Variants in SEMA4D observed in about 807,000 individuals in gnomAD.
SEMA4D encodes semaphorin-4D.
Under a neutral mutation model 74.8 loss-of-function variants are expected in SEMA4D, and 22 were observed. The ratio of observed to expected loss-of-function variants is 0.29; its 90% CI spans 0.21 to 0.42. The LOEUF (loss-of-function observed/expected upper bound fraction) is 0.42, where lower values mean the gene tolerates loss of function less well. Ranked by LOEUF, SEMA4D falls within the 10% of genes least tolerant of loss-of-function variation. The pLI is 1.00. For synonymous variants in SEMA4D, 445 were observed against 463.7 expected (o/e 0.96, Z 0.52); for missense variants, 937 against 1,118.4 (o/e 0.84, Z 2.31).
In SEMA4D at chr9:89,424,448, G is replaced by A. The variant is rs140851804; in HGVS notation, c.-243-18749C>T. On this transcript the variant is annotated intron_variant, in intron 2 of 15. Coordinates refer to ENST00000422704, the MANE Select transcript of SEMA4D (RefSeq NM_001371194.2). ...ATTGAAGTTTCTTTCTAAAGCCCAC[G>A]ACCACAACATTAGCTTTTACTACTT... 1.2e-4 allele frequency among the ~76,000 whole-genome samples: 18 copies of A among 152,166 alleles called. No individual in the cohort carries two copies. The East Asian group carries it at 2.7e-3, about 23-fold the overall frequency.
intron 1 of SEMA4D, among the ~76,000 whole-genome samples, chr9:89,463,653 G>A (rs1050761064): frequency 1.3e-5 from 2 of 152,166 alleles, no homozygotes; most frequent in African/African-American, 4.8e-5. Context: ...ACCAAATGGT[G>A]GGCCGGGCAT....
chr9:89,434,522 G>A (rs1849972738), intron 2 of SEMA4D, among the ~76,000 whole-genome samples: 1 of 152,164 alleles, frequency 6.6e-6, no homozygotes, highest in South Asian at 2.1e-4. Context: ...GCATCTAAGA[G>A]AGTAGAGTGA....
chr9:89,402,182 G>A (rs796521223), intron 4 of SEMA4D, among the ~76,000 whole-genome samples: 2 of 152,278 alleles, frequency 1.3e-5, no homozygotes, highest in South Asian at 2.1e-4. Context: ...TTTAAATTCG[G>A]TTTGATTTTT....
chr9:89,384,640 A>T (rs944145777), intron 13 of SEMA4D: 28 of 983,970 alleles, frequency 2.8e-5, no homozygotes, highest in Non-Finnish European at 3.3e-5. Context: ...GGCAAATTTC[A>T]TCTGATGTGT....
intron 1 of SEMA4D, among the ~76,000 whole-genome samples, chr9:89,463,380 C>G (rs1052455971): frequency 3.9e-5 from 6 of 152,210 alleles, no homozygotes; most frequent in African/African-American, 9.6e-5. Context: ...GAGGCTCACA[C>G]CAGCCATCTT....
At chr9:89,363,626 C>G in intron 17 of SEMA4D, 3 of 1,591,506 alleles carry the variant, frequency 1.9e-6, no homozygotes, top group Non-Finnish European at 2.6e-6. Flanking sequence ...CCAATAAAAC[C>G]CAAACCCAGA....
At chr9:89,366,603 A>G (rs533467263) in intron 16 of SEMA4D, among the ~76,000 whole-genome samples, 15 of 152,370 alleles carry the variant, frequency 9.8e-5, no homozygotes, top group South Asian at 4.1e-4. Context: ...CCATGTATCT[A>G]TCTACAAATA....
chr9:89,455,470 A>G (rs1240218689), intron 2 of SEMA4D, among the ~76,000 whole-genome samples: 1 of 152,120 alleles, frequency 6.6e-6, no homozygotes, highest in East Asian at 1.9e-4. Context: ...CACCTTCAAC[A>G]ACCCAATATG....
intron 1 of SEMA4D, among the ~76,000 whole-genome samples, chr9:89,488,361 T>TTC (rs1207298330): frequency 1.5e-5 from 2 of 131,788 alleles, no homozygotes; most frequent in Non-Finnish European, 3.3e-5. Context: ...TCTTTTTTTT[T>TTC]TTTTTTTTTT....
intron 4 of SEMA4D, 28 bp from the exon 5 acceptor site, chr9:89,399,366 A>C (rs758400234): frequency 6.5e-7 from 1 of 1,538,906 alleles, no homozygotes; most frequent in Non-Finnish European, 9.0e-7. Flanking sequence ...ATATCAGTGC[A>C]TATTCTTTTA....
chr9:89,458,898 GCA>G (rs991596913), intron 1 of SEMA4D, among the ~76,000 whole-genome samples: 23 of 150,254 alleles, frequency 1.5e-4, no homozygotes, highest in Admixed American at 3.3e-4. Flanking sequence ...GTACCTATAC[GCA>G]CACTCATATA....
In SEMA4D at chr9:89,379,150, T is replaced by C. The variant is rs199805591; in HGVS notation, c.2143A>G (p.Asn715Asp). The change falls in exon 16 of 16, where the codon AAC becomes GAC. Residue 715 changes from asparagine (N) to aspartate (D), a missense_variant. Coordinates refer to ENST00000422704, the MANE Select transcript of SEMA4D (RefSeq NM_001371194.2). ...GTSCEPKIVI[N>D]TVPQLHSEKT... Reference sequence around the variant, plus strand: ...TCCGAGTGGAGCTGGGGGACCGTGTTGATGACGATCTTTGGTTCGCAGGAT... The same window carrying C: ...TCCGAGTGGAGCTGGGGGACCGTGTCGATGACGATCTTTGGTTCGCAGGAT... 28 of 1,614,052 alleles carry C rather than the reference T, an allele frequency of 1.7e-5. No individual in the cohort carries two copies. The East Asian group carries it at 5.1e-4, about 30-fold the overall frequency.
At chr9:89,480,721 C>G (rs1165888374) in intron 1 of SEMA4D, among the ~76,000 whole-genome samples, 1 of 152,244 alleles carries the variant, frequency 6.6e-6, no homozygotes, top group Non-Finnish European at 1.5e-5. Flanking sequence ...AGTGCGGGGC[C>G]CACCAAGCCC....
In SEMA4D at chr9:89,379,590, T is replaced by C; in HGVS notation, c.1703A>G (p.His568Arg). Reference protein sequence around the residue: ...KGSYRQHFFKHGGTAELKCSQ... With the variant: ...KGSYRQHFFKRGGTAELKCSQ... ...GCATTTCAGTTCCGCTGTGCCACCG[T>C]GCTTGAAAAAATGCTGCCGGTAACT... Residue 568 changes from histidine (H) to arginine (R), a missense_variant, in exon 16 of 16, where the codon CAC becomes CGC. Coordinates refer to ENST00000422704, the MANE Select transcript of SEMA4D (RefSeq NM_001371194.2). The C allele has an allele frequency of 6.2e-7, 1 of 1,610,936 alleles. No homozygotes were observed. Among genetic ancestry groups the C allele is most frequent in the East Asian group, 2.2e-5 (1 of 44,814 alleles).
At chr9:89,376,675 A>G (rs1292429050), downstream of SEMA4D, 4 of 1,094,514 alleles carry the variant, frequency 3.7e-6, no homozygotes, top group East Asian at 1.1e-4. Context: ...TGGACCCACA[A>G]TGAAAGCGTG....
intron 2 of SEMA4D, among the ~76,000 whole-genome samples, chr9:89,446,197 G>A (rs1277915818): frequency 6.6e-6 from 1 of 152,026 alleles, no homozygotes; most frequent in Non-Finnish European, 1.5e-5. Flanking sequence ...CACTACTCTA[G>A]CCTCTGTGCC....
At chr9:89,372,009 GGT>G (rs1459851503) in intron 16 of SEMA4D, among the ~76,000 whole-genome samples, 1 of 88,134 alleles carries the variant, frequency 1.1e-5, no homozygotes, top group African/African-American at 4.8e-5. Flanking sequence ...TCTGGGGTGT[GGT>G]GTGTGTCTGG....
rs183630318 is a variant in SEMA4D at position 89,399,535 on chromosome 9, A to G, written c.253-197T>C. 1.3e-4 allele frequency among the ~76,000 whole-genome samples: 20 copies of G among 152,304 alleles called. No individual in the cohort carries two copies. In the East Asian group the frequency reaches 3.7e-3, roughly 28 times the overall value. ...CATGAACATCCTCACTGTGATCCTT[A>G]TCCTGAAACCAGTGGAGTCTGGAAG... On this transcript the variant is annotated intron_variant, in intron 4 of 15. Coordinates refer to ENST00000422704, the MANE Select transcript of SEMA4D (RefSeq NM_001371194.2).
chr9:89,448,052 G>A (rs1490026224), intron 2 of SEMA4D, among the ~76,000 whole-genome samples: 2 of 152,166 alleles, frequency 1.3e-5, no homozygotes, highest in African/African-American at 2.4e-5. Flanking sequence ...CAAGCTCACT[G>A]CAGCCTTGAA....
Sources: gnomAD v4.1 joint callset for allele counts (sites outside exome capture counted in the v4.1 genomes callset) on GRCh38, gnomAD v4.1.1 for gene constraint, MANE v1.5 for transcripts, NCBI Gene and HGNC (gene_info 2026-07-23, HGNC 2026-07-21) for gene names.